The following PACSIN2 variants were observed in gnomAD, a reference collection of about 807,000 sequenced individuals.
The protein encoded by PACSIN2 is protein kinase C and casein kinase substrate in neurons protein 2.
A neutral mutation model predicts 63.8 loss-of-function variants in PACSIN2; 25 were observed. The ratio of observed to expected loss-of-function variants is 0.39; its 90% CI spans 0.29 to 0.55. PACSIN2 has a LOEUF of 0.55. Among genes scored for constraint, PACSIN2 ranks in the 20% least tolerant of loss-of-function variants. The pLI, the probability that PACSIN2 is intolerant of heterozygous loss-of-function variation, is 0.62. For synonymous variants in PACSIN2, 255 were observed against 256.2 expected (o/e 1.00, Z 0.05); for missense variants, 518 against 646.9 (o/e 0.80, Z 2.16).
chr22:42,943,993 A>C (rs925446324), intron 1 of PACSIN2, among the ~76,000 whole-genome samples: 3 of 152,220 alleles, frequency 2.0e-5, no homozygotes, highest in African/African-American at 7.2e-5. Flanking sequence ...GAGAGGAACA[A>C]ACAGAAGAGG....
chr22:42,895,025 A>G (rs961345936), intron 2 of PACSIN2, among the ~76,000 whole-genome samples: 1 of 152,216 alleles, frequency 6.6e-6, no homozygotes, highest in African/African-American at 2.4e-5. Flanking sequence ...AATCCTGGTG[A>G]AAAGCAAAGA....
chr22:43,001,985 G>C (rs1187773125), intron 1 of PACSIN2, among the ~76,000 whole-genome samples: 2 of 152,172 alleles, frequency 1.3e-5, no homozygotes, highest in Non-Finnish European at 2.9e-5. Flanking sequence ...GAATACCTAA[G>C]GGACAGTGGA....
chr22:42,892,984 G>T (rs745682300), intron 3 of PACSIN2, among the ~76,000 whole-genome samples: 2 of 152,192 alleles, frequency 1.3e-5, no homozygotes, highest in Non-Finnish European at 2.9e-5. Flanking sequence ...GGGACAGAAG[G>T]GGGTGAAACC....
chr22:42,920,012 G>A (rs1248475992), intron 1 of PACSIN2, among the ~76,000 whole-genome samples: 3 of 151,986 alleles, frequency 2.0e-5, no homozygotes, highest in Admixed American at 6.6e-5. Flanking sequence ...AGAAGCTGAG[G>A]TGGGAGGATC....
At chr22:42,932,236 C>G (rs1353292027) in intron 1 of PACSIN2, among the ~76,000 whole-genome samples, 3 of 152,212 alleles carry the variant, frequency 2.0e-5, no homozygotes, top group Non-Finnish European at 4.4e-5. Context: ...ATGCTGTTCC[C>G]TCTGCCAGGA....
chr22:42,928,249 T>C (rs1932661986), intron 1 of PACSIN2, among the ~76,000 whole-genome samples: 1 of 152,230 alleles, frequency 6.6e-6, no homozygotes, highest in Admixed American at 6.5e-5. Flanking sequence ...TGTCGCTGCC[T>C]CTGAAGTCCT....
intron 1 of PACSIN2, among the ~76,000 whole-genome samples, chr22:42,974,791 G>A (rs1921576264): frequency 6.6e-6 from 1 of 151,320 alleles, no homozygotes; most frequent in Admixed American, 6.6e-5. Flanking sequence ...GAAGGAGGAG[G>A]AGGAGGAGGA....
chr22:42,919,022 A>G (rs1018222300), intron 1 of PACSIN2, among the ~76,000 whole-genome samples: 1 of 152,144 alleles, frequency 6.6e-6, no homozygotes, highest in African/African-American at 2.4e-5. Flanking sequence ...AGCCGACTAC[A>G]ACGACCTTTA....
intron 1 of PACSIN2, among the ~76,000 whole-genome samples, chr22:42,998,631 A>G (rs1923565329): frequency 6.6e-6 from 1 of 152,220 alleles, no homozygotes; most frequent in Non-Finnish European, 1.5e-5. Context: ...GTTAATCATA[A>G]TCACAGCATC....
At chr22:43,003,640 T>C (rs1234731290) in intron 1 of PACSIN2, among the ~76,000 whole-genome samples, 2 of 152,172 alleles carry the variant, frequency 1.3e-5, no homozygotes, top group African/African-American at 4.8e-5. Context: ...TGCTCTAATA[T>C]ACCTGAGCAA....
intron 2 of PACSIN2, among the ~76,000 whole-genome samples, chr22:42,898,766 C>CTTCT (rs1426319489): frequency 6.6e-6 from 1 of 152,156 alleles, no homozygotes; most frequent in Non-Finnish European, 1.5e-5. Flanking sequence ...GTGAGCCAGG[C>CTTCT]TTCTAATCGT....
intron 1 of PACSIN2, among the ~76,000 whole-genome samples, chr22:42,924,015 C>T (rs1932371645): frequency 6.6e-6 from 1 of 150,940 alleles, no homozygotes; most frequent in African/African-American, 2.4e-5. Context: ...GCACTTCAAT[C>T]TGGGTGACAA....
intron 1 of PACSIN2, among the ~76,000 whole-genome samples, chr22:42,999,146 T>A (rs1412986870): frequency 6.6e-6 from 1 of 152,152 alleles, no homozygotes; most frequent in Non-Finnish European, 1.5e-5. Context: ...ACAGGAGGGC[T>A]AAAAGAGCAT....
intron 1 of PACSIN2, among the ~76,000 whole-genome samples, chr22:42,990,684 AC>A (rs1922981793): frequency 6.6e-6 from 1 of 152,166 alleles, no homozygotes; most frequent in Non-Finnish European, 1.5e-5. Context: ...ATGAGACTCA[AC>A]GGGTAAGCAG....
intron 2 of PACSIN2, among the ~76,000 whole-genome samples, chr22:42,905,962 C>CAAGT (rs1280798601): frequency 6.6e-6 from 1 of 152,258 alleles, no homozygotes; most frequent in East Asian, 1.9e-4. Flanking sequence ...CCCACTCCTT[C>CAAGT]AAGTATGTAA....
At chr22:42,994,181 AAT>A (rs1452468826) in intron 1 of PACSIN2, among the ~76,000 whole-genome samples, 1 of 152,166 alleles carries the variant, frequency 6.6e-6, no homozygotes, top group African/African-American at 2.4e-5. Flanking sequence ...CTTTGGGTAA[AAT>A]GACAGTGCAG....
At chr22:42,894,958 G>A (rs1327027345) in intron 2 of PACSIN2, among the ~76,000 whole-genome samples, 2 of 152,194 alleles carry the variant, frequency 1.3e-5, no homozygotes, top group Non-Finnish European at 2.9e-5. Context: ...TGGAGGAAGG[G>A]CTGTCCCTGA....
intron 1 of PACSIN2, among the ~76,000 whole-genome samples, chr22:42,934,879 CTTTCT>C (rs1932862008): frequency 6.7e-6 from 1 of 148,292 alleles, no homozygotes; most frequent in Non-Finnish European, 1.5e-5. Flanking sequence ...GATTTCTTTT[CTTTCT>C]TTTCTCTTTC....
intron 1 of PACSIN2, among the ~76,000 whole-genome samples, chr22:42,921,802 G>A (rs961952245): frequency 9.2e-5 from 14 of 151,376 alleles, no homozygotes; most frequent in Non-Finnish European, 1.9e-4. Context: ...GCAGTGGCGC[G>A]ATCTCAGCTC....
Sources: gnomAD v4.1 joint callset for allele counts (sites outside exome capture counted in the v4.1 genomes callset) on GRCh38, gnomAD v4.1.1 for gene constraint, MANE v1.5 for transcripts, NCBI Gene and HGNC (gene_info 2026-07-23, HGNC 2026-07-21) for gene names.